Variants in RRP15 observed in about 807,000 individuals in gnomAD.
RRP15 encodes RRP15-like protein.
A neutral mutation model predicts 27.1 loss-of-function variants in RRP15; 18 were observed. That is an observed-to-expected ratio of 0.66 (90% confidence interval 0.46 to 0.98). The LOEUF (loss-of-function observed/expected upper bound fraction) is 0.98. Ranked by LOEUF, RRP15 falls within the 50% of genes least tolerant of loss-of-function variation. RRP15 has a pLI of 0.00. For missense variants in RRP15, 359 were observed against 337.8 expected, an observed-to-expected ratio of 1.06 and a Z score of -0.49; for synonymous variants, 107 against 109.4, an observed-to-expected ratio of 0.98 and a Z score of 0.14.
chr1:218,301,016 A>T (rs2102497261), intron 1 of RRP15, among the ~76,000 whole-genome samples: 1 of 152,320 alleles, frequency 6.6e-6, no homozygotes, highest in East Asian at 1.9e-4. Flanking sequence ...CAAGTATATC[A>T]ATATTTAAAA....
chr1:218,300,990 G>GT (rs1188499371), intron 1 of RRP15, among the ~76,000 whole-genome samples: 4 of 152,214 alleles, frequency 2.6e-5, no homozygotes, highest in African/African-American at 9.6e-5. Flanking sequence ...GTGTTAAATA[G>GT]TATTTTATCT....
chr1:218,303,807 T>G (rs1471688647), intron 2 of RRP15, among the ~76,000 whole-genome samples: 1 of 151,428 alleles, frequency 6.6e-6, no homozygotes, highest in Non-Finnish European at 1.5e-5. Flanking sequence ...TGTGTATTTC[T>G]TAGAAGAGAA....
intron 1 of RRP15, among the ~76,000 whole-genome samples, chr1:218,300,839 A>C (rs1655800033): frequency 1.3e-5 from 2 of 152,262 alleles, no homozygotes; most frequent in South Asian, 4.1e-4. Flanking sequence ...GCCTCACTGA[A>C]ATGCTGCAGT....
In RRP15 at chr1:218,309,295, A is replaced by C. The variant is rs182311218; in HGVS notation, c.705+1663A>C. On this transcript the variant is annotated intron_variant, in intron 4 of 4. Transcript: ENST00000366932. The stretch of plus-strand genomic sequence containing the variant: ...TTTCATGTTGATTGCATATTTATGG[A>C]AAAACAGACTCCTTTTTAAAAATTT... Among the ~76,000 whole-genome samples the C allele has an allele frequency of 7.9e-5, 12 of 152,324 alleles. No homozygotes were observed. The East Asian group carries it at 2.3e-3, about 29-fold the overall frequency.
Position 218,331,651 on chromosome 1 carries a change from C to CTTTTTTTTTTT in RRP15, c.*589_*599dup, listed in dbSNP as rs34150523. ...TGATTTAAGAAACAACAGATTTCAACTTTTTTTTTTTTTTTTTTTTTTTTT... is the reference window on the plus strand; with the variant it reads ...TGATTTAAGAAACAACAGATTTCAACTTTTTTTTTTTTTTTTTTTTTTTTTTTTTTTTTTTT... On this transcript the variant is annotated 3_prime_UTR_variant, in exon 5 of 5. Coordinates refer to ENST00000366932, the MANE Select transcript of RRP15 (RefSeq NM_016052.4). The CTTTTTTTTTTT allele has an allele frequency of 4.5e-4, 16 of 35,650 alleles. 5 individuals are homozygous for CTTTTTTTTTTT. The highest frequency in any genetic ancestry group is 5.2e-4 in the African/African-American group (6 of 11,432). 2.2% of individuals were successfully genotyped at this position (35,650 alleles called of 1,614,324 possible).
intron 1 of RRP15, among the ~76,000 whole-genome samples, chr1:218,300,474 G>A (rs959137932): frequency 2.2e-4 from 33 of 152,036 alleles, no homozygotes; most frequent in Admixed American, 1.8e-3. Context: ...AAGGTATTAC[G>A]CAAAAATAAT....
chr1:218,318,517 C>G (rs1656124762), intron 4 of RRP15, among the ~76,000 whole-genome samples: 2 of 152,070 alleles, frequency 1.3e-5, no homozygotes, highest in South Asian at 4.1e-4. Context: ...TGTCTGATTA[C>G]TTCATTATGG....
At chr1:218,307,758 C>G in intron 4 of RRP15, 126 bp downstream of exon 4, 1 of 674,028 alleles carries the variant, frequency 1.5e-6, no homozygotes, top group South Asian at 2.0e-5. Flanking sequence ...TAAAATTCCT[C>G]CATGCCCGCA....
At chr1:218,294,537 T>C (rs1018036820) in intron 1 of RRP15, among the ~76,000 whole-genome samples, 13 of 152,224 alleles carry the variant, frequency 8.5e-5, no homozygotes, top group East Asian at 1.9e-4. Flanking sequence ...GATGAACAGA[T>C]GCATAGGGTG....
At chr1:218,289,551 GAC>G (rs1571790749) in intron 1 of RRP15, among the ~76,000 whole-genome samples, 2 of 152,224 alleles carry the variant, frequency 1.3e-5, no homozygotes, top group East Asian at 3.8e-4. Flanking sequence ...CTCTAAGAAA[GAC>G]ACTGCCATCT....
intron 1 of RRP15, among the ~76,000 whole-genome samples, chr1:218,300,258 TA>T (rs1449304712): frequency 4.6e-5 from 7 of 152,186 alleles, no homozygotes; most frequent in Admixed American, 3.9e-4. Flanking sequence ...ATCATGCTTT[TA>T]AAAAATGTGA....
chr1:218,307,709 T>C, intron 4 of RRP15, 77 bp downstream of exon 4: 1 of 962,762 alleles, frequency 1.0e-6, no homozygotes, highest in South Asian at 1.6e-5. Context: ...AACCAGACTA[T>C]AGAATTACAG....
intron 4 of RRP15, among the ~76,000 whole-genome samples, chr1:218,315,051 T>C (rs114554353): frequency 0.01 from 1,570 of 152,128 alleles, 31 homozygotes; most frequent in African/African-American, 0.036. Flanking sequence ...ACAATAATTT[T>C]TAATAGAAGT....
Position 218,307,519 on chromosome 1 carries a change from C to A in RRP15, c.592C>A (p.Arg198Ser), listed in dbSNP as rs546410420. The A allele has an allele frequency of 5.6e-6, 9 of 1,613,520 alleles. No homozygotes were observed. Among genetic ancestry groups the A allele is most frequent in the African/African-American group, 4.0e-5 (3 of 74,870 alleles). ...VKEAGSSMRK[R>S]AKLISTVSKK... ...GGAAGCTGGAAGTTCTATGAGAAAG[C>A]GTGCTAAGTTGATATCAACTGTTTC... The change falls in exon 4 of 5, where the codon CGT becomes AGT. Residue 198 changes from arginine (R) to serine (S), a missense_variant. Coordinates refer to ENST00000366932, the MANE Select transcript of RRP15 (RefSeq NM_016052.4).
intron 1 of RRP15, among the ~76,000 whole-genome samples, chr1:218,297,166 T>C (rs1655730532): frequency 6.6e-6 from 1 of 152,182 alleles, no homozygotes; most frequent in Admixed American, 6.5e-5. Flanking sequence ...AAAACTAGGC[T>C]ATTAGAAAGT....
chr1:218,293,472 G>T (rs1655676025), intron 1 of RRP15, among the ~76,000 whole-genome samples: 1 of 152,168 alleles, frequency 6.6e-6, no homozygotes, highest in Admixed American at 6.5e-5. Flanking sequence ...AGGAATCAGT[G>T]TGTAAATTAC....
chr1:218,328,097 T>C (rs1419788168), intron 4 of RRP15, among the ~76,000 whole-genome samples: 1 of 152,224 alleles, frequency 6.6e-6, no homozygotes. Flanking sequence ...AGATCACACT[T>C]TAAGAATCAC....
In RRP15 at chr1:218,302,303, G is replaced by A. The variant is rs1439039810; in HGVS notation, c.149G>A (p.Gly50Glu). 3 of 1,612,116 alleles carry A rather than the reference G, an allele frequency of 1.9e-6. No individual in the cohort carries two copies. The highest frequency in any genetic ancestry group is 2.5e-6 in the Non-Finnish European group (3 of 1,178,750). Residue 50 changes from glycine (G) to glutamate (E), a missense_variant, in exon 2 of 5, where the codon GGA (glycine) becomes GAA (glutamate). By Grantham distance (98) the Gly-to-Glu change is moderately conservative. Coordinates refer to ENST00000366932, the MANE Select transcript of RRP15 (RefSeq NM_016052.4). ...TDTSDSEGSC[G>E]SEKDHFYSDD... is the part of the protein sequence containing the mutation. Reference sequence around the variant, plus strand: ...CTCTTTGGTTCTATAGGAAGCTGTGGATCGGAAAAGGACCACTTTTATTCT... The same window carrying A: ...CTCTTTGGTTCTATAGGAAGCTGTGAATCGGAAAAGGACCACTTTTATTCT...
At chr1:218,323,570 C>T (rs1428802153) in intron 4 of RRP15, among the ~76,000 whole-genome samples, 3 of 152,222 alleles carry the variant, frequency 2.0e-5, no homozygotes, top group Admixed American at 2.0e-4. Context: ...GCTTCGGGCC[C>T]TCCCTGGCCT....
Sources: gnomAD v4.1 joint callset for allele counts (sites outside exome capture counted in the v4.1 genomes callset) on GRCh38, gnomAD v4.1.1 for gene constraint, MANE v1.5 for transcripts, NCBI Gene and HGNC (gene_info 2026-07-23, HGNC 2026-07-21) for gene names.